AKAP8: variants seen among roughly 807,000 people sequenced by gnomAD.
AKAP8 encodes the protein A-kinase anchoring protein 8, also known as A-kinase anchor protein 8.
In AKAP8, 24 loss-of-function variants were observed where a neutral mutation model predicts 67.5. The ratio of observed to expected loss-of-function variants is 0.36; its 90% CI spans 0.26 to 0.50. AKAP8 has a LOEUF of 0.50. Ranked by LOEUF, AKAP8 falls within the 20% of genes least tolerant of loss-of-function variation. The probability of loss-of-function intolerance (pLI) is 0.97; values close to 1 mark genes in which losing one functional copy is unlikely to be tolerated. For synonymous variants in AKAP8, 400 were observed against 371.1 expected (o/e 1.08, Z -0.90); for missense variants, 971 against 955.9 (o/e 1.02, Z -0.21).
intron 9 of AKAP8, among the ~76,000 whole-genome samples, chr19:15,363,562 C>T (rs544242482): frequency 2.1e-4 from 32 of 150,594 alleles, no homozygotes; most frequent in Non-Finnish European, 3.8e-4. Flanking sequence ...CCCAGCCAGC[C>T]GCCCCGTCCA....
intron 5 of AKAP8, 85 bp from the exon 6 acceptor site, chr19:15,372,432 A>G: frequency 6.5e-7 from 1 of 1,544,368 alleles, no homozygotes; most frequent in Non-Finnish European, 8.9e-7. Flanking sequence ...TTGTAGGATC[A>G]GACAACACAG....
intron 9 of AKAP8, among the ~76,000 whole-genome samples, chr19:15,366,946 C>T (rs747800940): frequency 1.3e-5 from 2 of 150,004 alleles, no homozygotes; most frequent in Non-Finnish European, 3.0e-5. Flanking sequence ...CTTGCTCTGT[C>T]GCCCAGGCTG....
At chr19:15,360,226 G>A (rs1436854873) in intron 12 of AKAP8, among the ~76,000 whole-genome samples, 1 of 152,100 alleles carries the variant, frequency 6.6e-6, no homozygotes, top group East Asian at 1.9e-4. Context: ...AGCAGCTCTT[G>A]ACCTCCCCAT....
chr19:15,378,435 G>T (rs574432802), intron 1 of AKAP8, among the ~76,000 whole-genome samples: 1 of 152,166 alleles, frequency 6.6e-6, no homozygotes, highest in Non-Finnish European at 1.5e-5. Context: ...CAGGTAGGAA[G>T]AGGGGGTAAA....
At chr19:15,371,521 C>T (rs1298783504) in intron 7 of AKAP8, among the ~76,000 whole-genome samples, 1 of 151,738 alleles carries the variant, frequency 6.6e-6, no homozygotes, top group Non-Finnish European at 1.5e-5. Context: ...CGGAGTCTCC[C>T]TCTGTCGCCC....
rs1967123296 is a variant in AKAP8 at position 15,369,703 on chromosome 19, A to T, written c.1072+443T>A. On this transcript the variant is annotated intron_variant, in intron 8 of 13. Coordinates refer to ENST00000269701, the MANE Select transcript of AKAP8 (RefSeq NM_005858.4). The surrounding 1 kb of genome is among the most constrained non-coding windows in gnomAD (Gnocchi z 4.6). ...CGAAGCAATGTGCAGTGCAGCTGCCAGTATCCCCACCACAGAGGCCCACAG... is the reference window on the plus strand; with the variant it reads ...CGAAGCAATGTGCAGTGCAGCTGCCTGTATCCCCACCACAGAGGCCCACAG... Among the ~76,000 whole-genome samples, 1 of 152,226 alleles carries T rather than the reference A, an allele frequency of 6.6e-6. No individual in the cohort carries two copies. Among genetic ancestry groups the T allele is most frequent in the Non-Finnish European group, 1.5e-5 (1 of 68,034 alleles).
intron 12 of AKAP8, among the ~76,000 whole-genome samples, chr19:15,359,295 T>C (rs1966926828): frequency 6.6e-6 from 1 of 152,246 alleles, no homozygotes; most frequent in African/African-American, 2.4e-5. Context: ...GATACCCATG[T>C]AGCACATGCA....
intron 1 of AKAP8, 125 bp downstream of exon 1, chr19:15,379,588 C>T: frequency 8.7e-7 from 1 of 1,150,212 alleles, no homozygotes; most frequent in Non-Finnish European, 1.2e-6. Flanking sequence ...GGCCGCCTCT[C>T]CGGAGGGCCC....
intron 1 of AKAP8, 178 bp downstream of exon 1, chr19:15,379,535 G>A (rs576919834): frequency 3.3e-6 from 2 of 605,844 alleles, no homozygotes; most frequent in South Asian, 5.4e-5. Flanking sequence ...AGAGCCCCGG[G>A]AGCGACGGCG....
chr19:15,365,971 C>G (rs895689877), intron 9 of AKAP8, among the ~76,000 whole-genome samples: 1 of 150,066 alleles, frequency 6.7e-6, no homozygotes, highest in African/African-American at 2.5e-5. Context: ...TTGCAGTGAG[C>G]TGAGATCGTG....
chr19:15,376,553 C>T (rs1967255965), intron 2 of AKAP8, among the ~76,000 whole-genome samples: 1 of 152,086 alleles, frequency 6.6e-6, no homozygotes, highest in African/African-American at 2.4e-5. Context: ...ACTCAGTACA[C>T]CTGAGTGGAG....
chr19:15,359,492 T>C (rs535882812), intron 12 of AKAP8, among the ~76,000 whole-genome samples: 1 of 151,786 alleles, frequency 6.6e-6, no homozygotes, highest in Non-Finnish European at 1.5e-5. Context: ...GGCTGAGGCA[T>C]GTGGATCACT....
Position 15,360,836 on chromosome 19 carries a change from AG to A in AKAP8, c.1527+11del. 1 of 1,610,782 alleles carries A rather than the reference AG, an allele frequency of 6.2e-7. No homozygotes were observed. The highest frequency in any genetic ancestry group is 8.5e-7 in the Non-Finnish European group (1 of 1,178,444). The stretch of plus-strand genomic sequence containing the variant: ...AATGAGCACCCCAGGCAGTGTGGGG[AG>A]GAAGACTCACCCTGCGGTTGTGATT... On this transcript the variant is annotated intron_variant, in intron 12 of 13. Transcript: ENST00000269701.
chr19:15,361,713 T>A lies in AKAP8; in HGVS notation c.1396+16A>T, dbSNP rs571331411. The A allele has an allele frequency of 6.2e-7, 1 of 1,602,096 alleles. No homozygotes were observed. The highest frequency in any genetic ancestry group is 1.3e-5 in the African/African-American group (1 of 74,790). The stretch of plus-strand genomic sequence containing the variant: ...CTACCATCCAGGAAAGCACTCATCC[T>A]GGGATGACAACTCACCTTTGAAAGG... On this transcript the variant is annotated intron_variant, in intron 11 of 13. Transcript: ENST00000269701.
chr19:15,373,341 C>T lies in AKAP8; in HGVS notation c.372-1G>A. 1 of 1,602,794 alleles carries T rather than the reference C, an allele frequency of 6.2e-7. No homozygotes were observed. The highest frequency in any genetic ancestry group is 1.3e-5 in the African/African-American group (1 of 74,906). ...CTCGAACGGCTGGAAGCGGAAGGAG[C>T]TGCAACAGAAGCACAGCCCATCAGG... On this transcript the variant is annotated splice_acceptor_variant, in intron 4 of 13. Coordinates refer to ENST00000269701, the MANE Select transcript of AKAP8 (RefSeq NM_005858.4). LOFTEE classifies it high-confidence loss of function.
chr19:15,378,508 G>C (rs1027254154), intron 1 of AKAP8, among the ~76,000 whole-genome samples: 4 of 152,180 alleles, frequency 2.6e-5, no homozygotes, highest in African/African-American at 9.7e-5. Context: ...AGATCTGATG[G>C]GAAAGAAGGG....
intron 9 of AKAP8, among the ~76,000 whole-genome samples, chr19:15,367,397 A>G (rs1967088036): frequency 6.6e-6 from 1 of 152,086 alleles, no homozygotes; most frequent in Non-Finnish European, 1.5e-5. Context: ...GCGTGGTGTC[A>G]GGCGCCTGTA....
chr19:15,363,739 T>C (rs1288828257), intron 9 of AKAP8, among the ~76,000 whole-genome samples: 1 of 152,206 alleles, frequency 6.6e-6, no homozygotes, highest in East Asian at 1.9e-4. Flanking sequence ...GGGAAAAGAT[T>C]GAGAAATCGG....
chr19:15,354,893 C>T lies in AKAP8; in HGVS notation c.*22G>A, dbSNP rs1240929691. 6.2e-7 allele frequency: 1 copy of T among 1,610,558 alleles called. No homozygotes were observed. On this transcript the variant is annotated 3_prime_UTR_variant, in exon 14 of 14. Coordinates refer to ENST00000269701, the MANE Select transcript of AKAP8 (RefSeq NM_005858.4). Reference sequence around the variant, plus strand: ...AACGCATCCATCATCCCAACGCCTTCCCTGGAACAGGGAAATGAGCATCAT... The same window carrying T: ...AACGCATCCATCATCCCAACGCCTTTCCTGGAACAGGGAAATGAGCATCAT...
Sources: gnomAD v4.1 joint callset for allele counts (sites outside exome capture counted in the v4.1 genomes callset) on GRCh38, gnomAD v4.1.1 for gene constraint, Gnocchi (gnomAD v3.1) non-coding constraint, MANE v1.5 for transcripts, NCBI Gene and HGNC (gene_info 2026-07-23, HGNC 2026-07-21) for gene names.